SULF1: variants seen among roughly 807,000 people sequenced by gnomAD.
SULF1 encodes extracellular sulfatase Sulf-1.
SULF1 carries 46 observed loss-of-function variants against 110.5 expected under a neutral mutation model. The observed-to-expected ratio is 0.42, with a 90% CI of 0.33 to 0.53. The LOEUF is 0.53. SULF1 is among the 20% of genes least tolerant of loss of function. SULF1 has a pLI of 0.12. For missense variants in SULF1, 941 were observed against 1,094.2 expected, an observed-to-expected ratio of 0.86 and a Z score of 1.98; for synonymous variants, 371 against 387.1, an observed-to-expected ratio of 0.96 and a Z score of 0.49.
intron 22 of SULF1, among the ~76,000 whole-genome samples, chr8:69,646,579 A>T (rs1290810105): frequency 6.6e-6 from 1 of 151,866 alleles, no homozygotes; most frequent in African/African-American, 2.4e-5. Flanking sequence ...GGTGCCTGCC[A>T]CCACACCCAG....
chr8:69,481,915 A>T (rs185677947), intron 1 of SULF1, among the ~76,000 whole-genome samples: 19 of 152,356 alleles, frequency 1.2e-4, no homozygotes, highest in Non-Finnish European at 2.5e-4. Flanking sequence ...AAAATAAAGT[A>T]TGCCATTTTC....
At chr8:69,626,341 C>A (rs562616420) in intron 15 of SULF1, among the ~76,000 whole-genome samples, 4 of 152,322 alleles carry the variant, frequency 2.6e-5, no homozygotes, top group South Asian at 2.1e-4. Context: ...ACACAGGATG[C>A]TGATTGGTGT....
At chr8:69,544,265 G>A (rs1474090692) in intron 3 of SULF1, among the ~76,000 whole-genome samples, 1 of 147,010 alleles carries the variant, frequency 6.8e-6, no homozygotes, top group Non-Finnish European at 1.5e-5. Context: ...TTTTTTGTTT[G>A]TTTTTTTGTT....
intron 1 of SULF1, among the ~76,000 whole-genome samples, chr8:69,468,423 G>A (rs762804911): frequency 2.9e-4 from 44 of 152,180 alleles, no homozygotes; most frequent in Middle Eastern, 3.4e-3. Flanking sequence ...TTTTAAAAAA[G>A]TTAAGATTAA....
Position 69,563,915 on chromosome 8 carries a change from G to C in SULF1, c.-60-1G>C. 6.4e-7 allele frequency: 1 copy of C among 1,561,896 alleles called. No homozygotes were observed. The highest frequency in any genetic ancestry group is 8.8e-7 in the Non-Finnish European group (1 of 1,137,378). ...GTCTCCGTTTTTCTCTGACTGCCCA[G>C]AACTCCAGAAATCAGGAGACGGAGA... On this transcript the variant is annotated splice_acceptor_variant, in intron 4 of 22. Coordinates refer to ENST00000402687, the MANE Select transcript of SULF1 (RefSeq NM_001128205.2). LOFTEE classifies it low-confidence loss of function (5UTR_SPLICE).
rs200025978 is a variant in SULF1, at chr8:69,588,217, GC to G, written c.565-748del. Among the ~76,000 whole-genome samples the G allele has an allele frequency of 3.9e-5, 6 of 151,990 alleles. 1 individual carries two copies. The highest frequency in any genetic ancestry group is 3.3e-4 in the Admixed American group (5 of 15,272). Reference sequence around the variant, plus strand: ...CCCTCCCTCTTACAGACCTGCATCAGCCCCCCCTGACTGTGGGTTAAGTCAT... The same window carrying G: ...CCCTCCCTCTTACAGACCTGCATCAGCCCCCCTGACTGTGGGTTAAGTCAT... On this transcript the variant is annotated intron_variant, in intron 7 of 22. Coordinates refer to ENST00000402687, the MANE Select transcript of SULF1 (RefSeq NM_001128205.2).
At chr8:69,572,969 A>T (rs1805342555) in intron 5 of SULF1, among the ~76,000 whole-genome samples, 1 of 152,194 alleles carries the variant, frequency 6.6e-6, no homozygotes, top group Non-Finnish European at 1.5e-5. Flanking sequence ...CTGGGTCTAC[A>T]GGCGCATGCC....
At chr8:69,633,385 A>G (rs1228996051) in intron 19 of SULF1, among the ~76,000 whole-genome samples, 1 of 150,078 alleles carries the variant, frequency 6.7e-6, no homozygotes, top group African/African-American at 2.5e-5. Context: ...CTGGAGTGCA[A>G]TGGTGCGTTC....
intron 15 of SULF1, among the ~76,000 whole-genome samples, chr8:69,625,516 C>T (rs1809933575): frequency 6.6e-6 from 1 of 152,110 alleles, no homozygotes; most frequent in Non-Finnish European, 1.5e-5. Flanking sequence ...CAGATGTGTT[C>T]GGAGTTTCTT....
At chr8:69,624,958 G>C (rs1421011280) in intron 15 of SULF1, among the ~76,000 whole-genome samples, 1 of 152,164 alleles carries the variant, frequency 6.6e-6, no homozygotes, top group African/African-American at 2.4e-5. Flanking sequence ...TGCTCTGCCA[G>C]GATTTTTATC....
chr8:69,635,330 C>T (rs1247582051), intron 19 of SULF1, among the ~76,000 whole-genome samples: 1 of 152,172 alleles, frequency 6.6e-6, no homozygotes, highest in African/African-American at 2.4e-5. Flanking sequence ...AATATAGGCT[C>T]ATTGATTGTA....
At chr8:69,551,160 T>C (rs545060939) in intron 3 of SULF1, among the ~76,000 whole-genome samples, 1 of 152,348 alleles carries the variant, frequency 6.6e-6, no homozygotes, top group East Asian at 1.9e-4. Context: ...GTCAGGGCTT[T>C]ATGAAAACAA....
intron 13 of SULF1, among the ~76,000 whole-genome samples, chr8:69,608,064 A>G (rs1481510009): frequency 2.0e-5 from 3 of 152,194 alleles, no homozygotes; most frequent in Non-Finnish European, 2.9e-5. Flanking sequence ...CAGGTCACCT[A>G]AAGGTTGTTT....
intron 3 of SULF1, among the ~76,000 whole-genome samples, chr8:69,526,614 A>G (rs1204708560): frequency 8.9e-5 from 12 of 134,152 alleles, no homozygotes; most frequent in African/African-American, 3.5e-4. Context: ...AAAAAAAAAA[A>G]GAAAGAAAGA....
At chr8:69,498,113 C>CACACA (rs71556768) in intron 2 of SULF1, among the ~76,000 whole-genome samples, 2 of 148,616 alleles carry the variant, frequency 1.3e-5, no homozygotes, top group South Asian at 2.1e-4. Flanking sequence ...CTCTCTCTCT[C>CACACA]CACACACACA....
At chr8:69,477,507 C>T (rs73683914) in intron 1 of SULF1, among the ~76,000 whole-genome samples, 2,083 of 152,140 alleles carry the variant, frequency 0.014, 44 homozygotes, top group African/African-American at 0.048. Context: ...TTTCTTGTTG[C>T]GCAAATAAAA....
intron 22 of SULF1, 42 bp from the exon 23 acceptor site, chr8:69,658,463 C>T: frequency 2.0e-6 from 3 of 1,483,938 alleles, no homozygotes; most frequent in Non-Finnish European, 2.7e-6. Context: ...AGTAGAAAGC[C>T]TTTTCTCCAC....
intron 3 of SULF1, among the ~76,000 whole-genome samples, chr8:69,526,837 G>A (rs550215396): frequency 3.6e-4 from 51 of 142,738 alleles, no homozygotes; most frequent in African/African-American, 1.5e-3. Flanking sequence ...AAGGAAGGAA[G>A]GAAGGGAGGA....
chr8:69,608,581 AG>A (rs1808404572), intron 13 of SULF1, among the ~76,000 whole-genome samples: 1 of 152,130 alleles, frequency 6.6e-6, no homozygotes, highest in African/African-American at 2.4e-5. Flanking sequence ...GCTACTTGGG[AG>A]GCTGAGACCG....
Sources: allele counts gnomAD v4.1 joint callset (sites outside exome capture counted in the v4.1 genomes callset), GRCh38; gene constraint gnomAD v4.1.1; transcripts MANE v1.5; gene names NCBI Gene and HGNC (gene_info 2026-07-23, HGNC 2026-07-21).